PCDH11X: variants seen among roughly 807,000 people sequenced by gnomAD.
The protein encoded by PCDH11X is protocadherin-11 X-linked.
PCDH11X carries 18 observed loss-of-function variants against 53.3 expected under a neutral mutation model. The observed-to-expected ratio is 0.34, with a 90% confidence interval of 0.23 to 0.50. PCDH11X has a LOEUF of 0.50. Among genes scored for constraint, PCDH11X ranks in the 20% least tolerant of loss-of-function variants. The pLI, the probability that PCDH11X is intolerant of heterozygous loss-of-function variation, is 0.98. For synonymous variants in PCDH11X, 279 were observed against 393.3 expected, an observed-to-expected ratio of 0.71 and a Z score of 3.44; for missense variants, 570 against 1,032.4, an observed-to-expected ratio of 0.55 and a Z score of 6.14.
At chrX:92,116,993 G>A (rs1394933101) in intron 6 of PCDH11X, among the ~76,000 whole-genome samples, 1 of 109,083 alleles carries the variant, frequency 9.2e-6, no homozygotes, top group Non-Finnish European at 1.9e-5. Context: ...GGAATTAGTT[G>A]TGTGTTTTTG....
At chrX:92,430,898 T>A (rs1186332217) in intron 9 of PCDH11X, among the ~76,000 whole-genome samples, 1 of 105,865 alleles carries the variant, frequency 9.4e-6, no homozygotes, top group East Asian at 3.1e-4. Context: ...GAATACATCT[T>A]TTAATTCTCA....
intron 10 of PCDH11X, among the ~76,000 whole-genome samples, chrX:92,554,769 C>G (rs2075020364): frequency 9.1e-6 from 1 of 110,081 alleles, no homozygotes; most frequent in Non-Finnish European, 1.9e-5. Context: ...TTGTCATTTT[C>G]TATATGGCAT....
chrX:92,505,699 C>T (rs761262606), intron 10 of PCDH11X, among the ~76,000 whole-genome samples: 260 of 110,779 alleles, frequency 2.3e-3, no homozygotes, highest in African/African-American at 7.9e-3. Flanking sequence ...TTTGATTCCA[C>T]ATAAGTTTTA....
At chrX:91,918,644 C>CA (rs72245713) in intron 6 of PCDH11X, among the ~76,000 whole-genome samples, 37 of 106,940 alleles carry the variant, frequency 3.5e-4, no homozygotes, top group South Asian at 1.2e-3. Flanking sequence ...ATATTTACTG[C>CA]AAAAAAAAAT....
intron 10 of PCDH11X, among the ~76,000 whole-genome samples, chrX:92,503,984 G>T (rs1293739617): frequency 2.3e-5 from 2 of 88,774 alleles, no homozygotes; most frequent in Admixed American, 2.7e-4. Context: ...AACCTTCATG[G>T]TGTCTCTGAA....
intron 6 of PCDH11X, among the ~76,000 whole-genome samples, chrX:92,197,575 C>T (rs2066313153): frequency 9.0e-6 from 1 of 111,673 alleles, no homozygotes; most frequent in Non-Finnish European, 1.9e-5. Flanking sequence ...AATGTAATCA[C>T]TAGAAGCATC....
chrX:91,964,677 G>T (rs1415873811), intron 6 of PCDH11X, among the ~76,000 whole-genome samples: 1 of 111,950 alleles, frequency 8.9e-6, no homozygotes, highest in Non-Finnish European at 1.9e-5. Context: ...CTAAAGTGTG[G>T]GGTTTTCTTT....
At chrX:92,393,094 A>T (rs1357801230) in intron 9 of PCDH11X, among the ~76,000 whole-genome samples, 3 of 110,566 alleles carry the variant, frequency 2.7e-5, no homozygotes, top group Admixed American at 9.7e-5. Flanking sequence ...TTTTGACGAA[A>T]GTCACATATC....
intron 6 of PCDH11X, among the ~76,000 whole-genome samples, chrX:91,924,611 T>C (rs186253485): frequency 2.1e-4 from 23 of 112,154 alleles, no homozygotes; most frequent in Middle Eastern, 4.6e-3. Flanking sequence ...GCATAATTTA[T>C]CTCTTGGCTA....
At chrX:91,816,948 T>C (rs1936471465) in intron 4 of PCDH11X, among the ~76,000 whole-genome samples, 1 of 104,999 alleles carries the variant, frequency 9.5e-6, no homozygotes, top group South Asian at 4.6e-4. Flanking sequence ...ATTTCTATCA[T>C]GCATCATATT....
chrX:91,981,002 A>AATAT (rs1247003635), intron 6 of PCDH11X, among the ~76,000 whole-genome samples: 11 of 98,297 alleles, frequency 1.1e-4, no homozygotes, highest in African/African-American at 4.1e-4. Flanking sequence ...ATATACACTG[A>AATAT]ATATATATAT....
intron 8 of PCDH11X, among the ~76,000 whole-genome samples, chrX:92,281,890 G>C (rs979502723): frequency 8.9e-6 from 1 of 111,832 alleles, no homozygotes; most frequent in African/African-American, 3.2e-5. Flanking sequence ...AAGGCCCACT[G>C]TGTCTCAGGG....
chrX:92,618,040 A>C (rs1928171036), intron 10 of PCDH11X: 1 of 177,842 alleles, frequency 5.6e-6, no homozygotes, highest in Non-Finnish European at 8.7e-6. Flanking sequence ...TACTAGGCCA[A>C]AGGATGCCAA....
chrX:92,069,675 A>T (rs1026710194), intron 6 of PCDH11X, among the ~76,000 whole-genome samples: 2 of 110,788 alleles, frequency 1.8e-5, no homozygotes, highest in African/African-American at 6.6e-5. Flanking sequence ...TGCAACTATT[A>T]TCTTAAAACT....
intron 6 of PCDH11X, among the ~76,000 whole-genome samples, chrX:92,036,686 A>T (rs2063130432): frequency 1.8e-5 from 2 of 110,871 alleles, no homozygotes; most frequent in Admixed American, 9.7e-5. Context: ...ACCAGTAGAG[A>T]GGGGCGCTGC....
At chrX:92,243,583 G>A (rs1160107463) in intron 7 of PCDH11X, among the ~76,000 whole-genome samples, 1 of 110,384 alleles carries the variant, frequency 9.1e-6, no homozygotes, top group Non-Finnish European at 1.9e-5. Flanking sequence ...AATTATTCTA[G>A]GTCATGTGCC....
chrX:92,110,788 G>C (rs1482296622), intron 6 of PCDH11X, among the ~76,000 whole-genome samples: 1 of 110,848 alleles, frequency 9.0e-6, no homozygotes, highest in East Asian at 2.9e-4. Context: ...ACCAAAAGGG[G>C]GAGGCAGGTT....
At chrX:92,105,690 G>A (rs2064368864) in intron 6 of PCDH11X, among the ~76,000 whole-genome samples, 2 of 105,963 alleles carry the variant, frequency 1.9e-5, no homozygotes, top group Non-Finnish European at 3.9e-5. Context: ...CTCAGTGGGG[G>A]TGCTTTTTGA....
chrX:92,144,633 A>C (rs1180516414), intron 6 of PCDH11X, among the ~76,000 whole-genome samples: 2 of 111,142 alleles, frequency 1.8e-5, no homozygotes, highest in Admixed American at 1.9e-4. Context: ...TGTCTTTATC[A>C]CCCAATACTT....
Sources: gnomAD v4.1 joint callset for allele counts (sites outside exome capture counted in the v4.1 genomes callset) on GRCh38, gnomAD v4.1.1 for gene constraint, MANE v1.5 for transcripts, NCBI Gene and HGNC (gene_info 2026-07-23, HGNC 2026-07-21) for gene names.